CD53: variants seen among roughly 807,000 people sequenced by gnomAD.
CD53 encodes the protein CD53 molecule, also known as leukocyte surface antigen CD53.
A neutral mutation model predicts 27.3 loss-of-function variants in CD53; 20 were observed. The ratio of observed to expected loss-of-function variants is 0.73; its 90% CI spans 0.52 to 1.07. CD53 has a LOEUF of 1.07. Among genes scored for constraint, CD53 ranks in the 50% least tolerant of loss-of-function variants. The probability of loss-of-function intolerance (pLI) is 0.00; values close to 1 mark genes in which losing one functional copy is unlikely to be tolerated. For missense variants in CD53, 216 were observed against 264.0 expected (o/e 0.82, Z 1.26); for synonymous variants, 106 against 105.3 (o/e 1.01, Z -0.04).
intron 1 of CD53, among the ~76,000 whole-genome samples, chr1:110,878,734 T>A (rs1436189394): frequency 6.6e-6 from 1 of 152,202 alleles, no homozygotes; most frequent in Non-Finnish European, 1.5e-5. Flanking sequence ...AGAAAACAAT[T>A]TATGCATCTT....
chr1:110,878,815 G>C (rs1656226471), intron 1 of CD53, among the ~76,000 whole-genome samples: 1 of 152,158 alleles, frequency 6.6e-6, no homozygotes. Flanking sequence ...GTTCAGTGGA[G>C]AAAGAAATGT....
In CD53 at chr1:110,899,667, G is replaced by T; in HGVS notation, c.*472G>T. 6.2e-6 allele frequency: 1 copy of T among 161,352 alleles called. No individual in the cohort carries two copies. Among genetic ancestry groups the T allele is most frequent in the South Asian group, 1.7e-4 (1 of 5,730 alleles). 10.0% of individuals were successfully genotyped at this position (161,352 alleles called of 1,614,324 possible). A position where few individuals can be genotyped will look rare whatever the true frequency, so the allele number is the denominator to read the frequency against. On this transcript the variant is annotated 3_prime_UTR_variant, in exon 8 of 8. Coordinates refer to ENST00000271324, the MANE Select transcript of CD53 (RefSeq NM_000560.4). ...CAACCCTCTGTTTCTCTTTGACTAA[G>T]TGCCCTGGCTACAGGAATTACACAG...
At chr1:110,884,684 T>TTA (rs1553203260) in intron 1 of CD53, among the ~76,000 whole-genome samples, 2 of 151,128 alleles carry the variant, frequency 1.3e-5, no homozygotes, top group African/African-American at 4.9e-5. Context: ...AATCAGTCCC[T>TTA]TTATAAAGTA....
intron 1 of CD53, among the ~76,000 whole-genome samples, chr1:110,890,767 T>C (rs145129432): frequency 1.3e-5 from 2 of 152,366 alleles, no homozygotes; most frequent in African/African-American, 2.4e-5. Context: ...ATTTGTTGGC[T>C]TGTTTTATCT....
At chr1:110,875,910 T>G (rs571143170) in intron 1 of CD53, among the ~76,000 whole-genome samples, 1 of 152,298 alleles carries the variant, frequency 6.6e-6, no homozygotes, top group African/African-American at 2.4e-5. Flanking sequence ...TACTGAGAGT[T>G]AGAGGTGAGT....
intron 1 of CD53, among the ~76,000 whole-genome samples, chr1:110,880,752 C>T (rs1656323583): frequency 6.6e-6 from 1 of 152,088 alleles, no homozygotes; most frequent in South Asian, 2.1e-4. Flanking sequence ...AGCATAGATC[C>T]TACCCTCAAG....
intron 2 of CD53, 123 bp downstream of exon 2, chr1:110,891,594 A>T (rs1656857068): frequency 1.4e-6 from 1 of 727,686 alleles, no homozygotes; most frequent in Non-Finnish European, 2.4e-6. Flanking sequence ...GTCCAGCACA[A>T]CCATCCTAGA....
chr1:110,877,986 T>C (rs949528330), intron 1 of CD53, among the ~76,000 whole-genome samples: 1 of 152,140 alleles, frequency 6.6e-6, no homozygotes, highest in Non-Finnish European at 1.5e-5. Flanking sequence ...TGGGAAGTAA[T>C]AGGCACAAAA....
Position 110,891,449 on chromosome 1 carries a change from T to G in CD53, c.41T>G (p.Phe14Cys). ...TTGAAACTGCTGAAGTATGTCCTGT[T>G]TTTCTTCAACTTGCTCTTTTGGGTA... ...SSLKLLKYVL[F>C]FFNLLFWICG... The change falls in exon 2 of 8, where the codon TTT becomes TGT. Residue 14 changes from phenylalanine to cysteine, a missense_variant. By Grantham distance (205) the Phe-to-Cys change is radical. Coordinates refer to ENST00000271324, the MANE Select transcript of CD53 (RefSeq NM_000560.4). 1 of 1,613,972 alleles carries G rather than the reference T, an allele frequency of 6.2e-7. No individual in the cohort carries two copies. The highest frequency in any genetic ancestry group is 8.5e-7 in the Non-Finnish European group (1 of 1,179,816).
At chr1:110,898,569 T>C (rs989369949) in intron 7 of CD53, among the ~76,000 whole-genome samples, 1 of 152,080 alleles carries the variant, frequency 6.6e-6, no homozygotes, top group Non-Finnish European at 1.5e-5. Flanking sequence ...GTTAAGGGGC[T>C]GATGACGAAA....
intron 5 of CD53, among the ~76,000 whole-genome samples, chr1:110,895,902 T>A (rs973028105): frequency 6.6e-6 from 1 of 152,192 alleles, no homozygotes; most frequent in Admixed American, 6.5e-5. Context: ...CCACTAAATA[T>A]AAAAGAACTT....
chr1:110,875,815 T>C (rs904116237), intron 1 of CD53, among the ~76,000 whole-genome samples: 3 of 152,148 alleles, frequency 2.0e-5, no homozygotes, highest in African/African-American at 7.2e-5. Flanking sequence ...GAGAAGGCTG[T>C]CTGGAGGTAG....
At chr1:110,876,769 C>T (rs1494323) in intron 1 of CD53, among the ~76,000 whole-genome samples, 108,795 of 151,906 alleles carry the variant, frequency 0.72, 41,327 homozygotes, top group Non-Finnish European at 0.84. Flanking sequence ...ATTTCCCATC[C>T]CTTTAAAAAA....
At chr1:110,897,051 A>C (rs1289316804) in intron 6 of CD53, among the ~76,000 whole-genome samples, 4 of 152,226 alleles carry the variant, frequency 2.6e-5, no homozygotes, top group Non-Finnish European at 5.9e-5. Flanking sequence ...CCTTATGGTT[A>C]AAGTGAAATG....
chr1:110,895,479 T>A (rs1023244602), intron 5 of CD53, among the ~76,000 whole-genome samples: 6 of 152,176 alleles, frequency 3.9e-5, no homozygotes, highest in African/African-American at 1.4e-4. Context: ...CCCACAAACG[T>A]GTATATGTAC....
chr1:110,881,924 T>C (rs1291084356), intron 1 of CD53, among the ~76,000 whole-genome samples: 1 of 152,232 alleles, frequency 6.6e-6, no homozygotes, highest in African/African-American at 2.4e-5. Context: ...CTTTGGTGAA[T>C]TGTCTGTTCT....
chr1:110,897,931 G>C (rs1330273143), intron 7 of CD53, 39 bp downstream of exon 7: 2 of 1,190,542 alleles, frequency 1.7e-6, no homozygotes, highest in Admixed American at 3.7e-5. Context: ...AGGATTACAT[G>C]AGTTAAGTCA....
intron 1 of CD53, among the ~76,000 whole-genome samples, chr1:110,878,705 A>C (rs1469201031): frequency 6.6e-6 from 1 of 152,218 alleles, no homozygotes; most frequent in Non-Finnish European, 1.5e-5. Context: ...TTCTCTACCA[A>C]ACACTTCCAT....
chr1:110,883,585 C>CT (rs1423519216), intron 1 of CD53, among the ~76,000 whole-genome samples: 1 of 151,904 alleles, frequency 6.6e-6, no homozygotes, highest in South Asian at 2.1e-4. Flanking sequence ...GTGTACCCTC[C>CT]TTTTCTATTT....
Sources: gnomAD v4.1 joint callset for allele counts (sites outside exome capture counted in the v4.1 genomes callset) on GRCh38, gnomAD v4.1.1 for gene constraint, MANE v1.5 for transcripts, NCBI Gene and HGNC (gene_info 2026-07-23, HGNC 2026-07-21) for gene names.